The following SLC12A9 variants were observed in gnomAD, a reference collection of about 807,000 sequenced individuals.
SLC12A9 encodes the protein solute carrier family 12 member 9.
A neutral mutation model predicts 66.0 loss-of-function variants in SLC12A9; 55 were observed. The observed-to-expected ratio is 0.83, with a 90% CI of 0.67 to 1.04. SLC12A9 has a LOEUF of 1.04. Among genes scored for constraint, SLC12A9 ranks in the 50% least tolerant of loss-of-function variants. The probability of loss-of-function intolerance (pLI) is 0.00; values close to 1 mark genes in which losing one functional copy is unlikely to be tolerated. For missense variants in SLC12A9, 1,061 were observed against 1,241.9 expected (o/e 0.85, Z 2.19); for synonymous variants, 577 against 569.0 (o/e 1.01, Z -0.20).
Position 100,866,696 on chromosome 7 carries a change from C to G in SLC12A9, c.*91C>G. The G allele has an allele frequency of 7.5e-7, 1 of 1,330,120 alleles. No homozygotes were observed. The highest frequency in any genetic ancestry group is 1.6e-5 in the South Asian group (1 of 62,846). The allele number at this position is 1,330,120 out of a possible 1,614,324, so 82.4% of individuals were successfully genotyped here. A position where few individuals can be genotyped will look rare whatever the true frequency, so the allele number is the denominator to read the frequency against. On this transcript the variant is annotated 3_prime_UTR_variant, in exon 14 of 14. Transcript: ENST00000354161. This position sits in a 1 kb window ranked among gnomAD's most constrained non-coding sequence, Gnocchi z 7.3. ...GGAGGAAGAGGAGGCCACTGTGGCC[C>G]GTGGCCCTGCCCTTGGGACGTGGAG...
rs761938672 is a variant in SLC12A9 at position 100,866,134 on chromosome 7, G to A, written c.2274G>A (p.Val758=). 5.6e-6 allele frequency: 9 copies of A among 1,612,808 alleles called. No individual in the cohort carries two copies. In the African/African-American group the frequency reaches 9.3e-5, roughly 17 times the overall value. ...LLQMATILGM[V]PAWHSARLRI... is the part of the protein sequence containing the mutation. The stretch of plus-strand genomic sequence containing the variant: ...AGATGGCAACCATCTTGGGCATGGT[G>A]CCCGCTTGGCATAGCGCCCGGCTCC... Residue 758 remains valine, a synonymous_variant, in exon 14 of 14, where the codon GTG becomes GTA. Coordinates refer to ENST00000354161, the MANE Select transcript of SLC12A9 (RefSeq NM_020246.4). This position sits in a 1 kb window ranked among gnomAD's most constrained non-coding sequence, Gnocchi z 7.3.
chr7:100,834,217 C>T (rs1424274533), intron 1 of SLC12A9, among the ~76,000 whole-genome samples: 1 of 152,094 alleles, frequency 6.6e-6, no homozygotes, highest in Non-Finnish European at 1.5e-5. Flanking sequence ...AGTTTAAAGG[C>T]AGAGTTGTGA....
chr7:100,861,276 A>G lies in SLC12A9; in HGVS notation c.1343+14A>G. The G allele has an allele frequency of 6.2e-7, 1 of 1,614,098 alleles. No homozygotes were observed. The highest frequency in any genetic ancestry group is 8.5e-7 in the Non-Finnish European group (1 of 1,179,976). Reference sequence around the variant, plus strand: ...CCCCAACTTCCGGTGAGAGACTCAGATCTGTGTCCCCAGAGAGAAGAAGGG... The same window carrying G: ...CCCCAACTTCCGGTGAGAGACTCAGGTCTGTGTCCCCAGAGAGAAGAAGGG... On this transcript the variant is annotated intron_variant, in intron 10 of 13. Transcript: ENST00000354161. The surrounding 1 kb of genome is among the most constrained non-coding windows in gnomAD (Gnocchi z 5.3).
In SLC12A9 at chr7:100,859,077, TCC is replaced by T; in HGVS notation, c.895_896del (p.Pro299SerfsTer26). 3 of 1,613,862 alleles carry T rather than the reference TCC, an allele frequency of 1.9e-6. No homozygotes were observed. Among genetic ancestry groups the T allele is most frequent in the Non-Finnish European group, 2.5e-6 (3 of 1,180,024 alleles). On this transcript the variant is annotated frameshift_variant, in exon 7 of 14. Transcript: ENST00000354161. LOFTEE classifies it high-confidence loss of function. The stretch of plus-strand genomic sequence containing the variant: ...GAGCTGAAGGACCCCAGCCGGGCGA[TCC>T]CTCTGGGCACGATCGTCGCCGTCGC...
chr7:100,831,145 C>G (rs1813536289), intron 1 of SLC12A9, among the ~76,000 whole-genome samples: 2 of 152,148 alleles, frequency 1.3e-5, no homozygotes, highest in Admixed American at 1.3e-4. Flanking sequence ...TAGCATCCAC[C>G]AACAGCTACT....
chr7:100,829,497 G>T (rs1472108333), intron 1 of SLC12A9, among the ~76,000 whole-genome samples: 1 of 151,926 alleles, frequency 6.6e-6, no homozygotes, highest in Non-Finnish European at 1.5e-5. Context: ...GTTCTGCCTG[G>T]GTCCTGCGCC....
At position 100,859,916 on chromosome 7, in the gene SLC12A9, C is replaced by T. The variant is rs756415501; in HGVS notation, c.1009C>T (p.Arg337Cys). The change falls in exon 8 of 14, where the codon CGC (arginine) becomes TGC (cysteine). Residue 337 changes from arginine (R) to cysteine (C), a missense_variant. Physicochemically the swap from Arg to Cys is radical, Grantham distance 180. Coordinates refer to ENST00000354161, the MANE Select transcript of SLC12A9 (RefSeq NM_020246.4). ...TLLQEDYGFF[R>C]AISLWPPLVL... Reference sequence around the variant, plus strand: ...GCTGCAGGAAGACTATGGGTTCTTCCGCGCCATCAGCCTGTGGCCCCCACT... The same window carrying T: ...GCTGCAGGAAGACTATGGGTTCTTCTGCGCCATCAGCCTGTGGCCCCCACT... 83 of 1,606,920 alleles carry T rather than the reference C, an allele frequency of 5.2e-5. No homozygotes were observed. Among genetic ancestry groups the T allele is most frequent in the East Asian group, 4.0e-4 (18 of 44,600 alleles).
Position 100,865,965 on chromosome 7 carries a change from C to G in SLC12A9, c.2105C>G (p.Ala702Gly), listed in dbSNP as rs1384587213. ...AACAAGAATGTGGTGCTGGCCCGGG[C>G]CAGCGGGGCCTTGCCCCCTGAGCGG... ...KMNKNVVLARASGALPPERLS... is the reference protein window; with the variant it reads ...KMNKNVVLARGSGALPPERLS... Residue 702 changes from alanine (A) to glycine (G), a missense_variant, in exon 14 of 14, where the codon GCC (alanine) becomes GGC (glycine). Physicochemically the swap from Ala to Gly is moderately conservative, Grantham distance 60. Coordinates refer to ENST00000354161, the MANE Select transcript of SLC12A9 (RefSeq NM_020246.4). 6.2e-7 allele frequency: 1 copy of G among 1,613,070 alleles called. No homozygotes were observed. The highest frequency in any genetic ancestry group is 2.2e-5 in the East Asian group (1 of 44,872).
At chr7:100,844,143 A>G (rs1186986376) in intron 1 of SLC12A9, among the ~76,000 whole-genome samples, 2 of 152,170 alleles carry the variant, frequency 1.3e-5, no homozygotes, top group African/African-American at 2.4e-5. Context: ...CAGACTGAGG[A>G]CTGTTCCCAG....
At chr7:100,838,165 C>A (rs1813707667) in intron 1 of SLC12A9, among the ~76,000 whole-genome samples, 1 of 151,792 alleles carries the variant, frequency 6.6e-6, no homozygotes, top group Non-Finnish European at 1.5e-5. Context: ...CCGGCTATTT[C>A]AAGTTGTAAA....
upstream of SLC12A9, among the ~76,000 whole-genome samples, chr7:100,848,428 A>G (rs1813965927): frequency 6.6e-6 from 1 of 150,946 alleles, no homozygotes; most frequent in Non-Finnish European, 1.5e-5. Flanking sequence ...AGCCTGGGAG[A>G]TAGAGGTTGC....
At chr7:100,827,613 G>A (rs919023956) in intron 1 of SLC12A9, 1 of 152,326 alleles carries the variant, frequency 6.6e-6, no homozygotes, top group Non-Finnish European at 1.5e-5. Flanking sequence ...TGAGCCCCGG[G>A]CGCGCTGATT....
At chr7:100,863,783 G>A (rs1464776374) in intron 13 of SLC12A9, among the ~76,000 whole-genome samples, 1 of 152,216 alleles carries the variant, frequency 6.6e-6, no homozygotes, top group African/African-American at 2.4e-5. Context: ...CAAAGTGCAT[G>A]CTTCCTTCTC....
upstream of SLC12A9, among the ~76,000 whole-genome samples, chr7:100,851,487 G>A (rs1814075243): frequency 6.8e-6 from 1 of 147,516 alleles, no homozygotes. Context: ...GCAGTGGTGC[G>A]ATCTCAGCTC....
At chr7:100,858,112 G>C (rs934825447) in intron 5 of SLC12A9, 3 of 151,126 alleles carry the variant, frequency 2.0e-5, no homozygotes, top group African/African-American at 4.9e-5. Context: ...ACGAGACTCC[G>C]TCTCAAAAAA....
Position 100,866,365 on chromosome 7 carries a change from C to T in SLC12A9, c.2505C>T (p.Arg835=). ...RGDAEAEALA[R]SANALVRAQQ... ...ACGCAGAGGCAGAGGCCCTGGCACG[C>T]AGCGCCAACGCCCTGGTTCGGGCCC... Residue 835 remains arginine, a synonymous_variant, in exon 14 of 14, where the codon CGC becomes CGT. Coordinates refer to ENST00000354161, the MANE Select transcript of SLC12A9 (RefSeq NM_020246.4). This position sits in a 1 kb window ranked among gnomAD's most constrained non-coding sequence, Gnocchi z 7.3. 6.6e-7 allele frequency: 1 copy of T among 1,514,050 alleles called. No individual in the cohort carries two copies. The allele number at this position is 1,514,050 out of a possible 1,614,324, so 93.8% of individuals were successfully genotyped here.
intron 1 of SLC12A9, among the ~76,000 whole-genome samples, chr7:100,845,570 C>T (rs950967218): frequency 1.3e-5 from 2 of 152,048 alleles, no homozygotes; most frequent in Admixed American, 6.6e-5. Context: ...AGGATGGTCT[C>T]GATCTCCTGC....
chr7:100,847,481 C>T (rs1813943654), intron 1 of SLC12A9, among the ~76,000 whole-genome samples: 1 of 152,180 alleles, frequency 6.6e-6, no homozygotes, highest in Non-Finnish European at 1.5e-5. Flanking sequence ...AACAGCACCC[C>T]TCTAGCTGCT....
intron 1 of SLC12A9, among the ~76,000 whole-genome samples, chr7:100,835,481 C>G (rs1166370806): frequency 6.6e-6 from 1 of 151,462 alleles, no homozygotes; most frequent in African/African-American, 2.4e-5. Context: ...GAAACCCCGT[C>G]TCTACTAAAA....
Sources: gnomAD v4.1 joint callset for allele counts (sites outside exome capture counted in the v4.1 genomes callset) on GRCh38, gnomAD v4.1.1 for gene constraint, Gnocchi (gnomAD v3.1) non-coding constraint, MANE v1.5 for transcripts, NCBI Gene and HGNC (gene_info 2026-07-23, HGNC 2026-07-21) for gene names.